Variants in TMIGD3 observed in about 807,000 individuals in gnomAD.
TMIGD3 encodes the protein transmembrane and immunoglobulin domain containing 3, also known as AD026 protein (AD026).
Under a neutral mutation model 28.1 loss-of-function variants are expected in TMIGD3, and 21 were observed. The ratio of observed to expected loss-of-function variants is 0.75; its 90% CI spans 0.53 to 1.08. TMIGD3 has a LOEUF of 1.08. Among genes scored for constraint, TMIGD3 ranks in the 50% least tolerant of loss-of-function variants. TMIGD3 has a pLI of 0.00. For missense variants in TMIGD3, 416 were observed against 435.6 expected (o/e 0.96, Z 0.40); for synonymous variants, 151 against 162.1 (o/e 0.93, Z 0.52).
At chr1:111,528,996 T>C (rs1386612923) in intron 1 of TMIGD3, among the ~76,000 whole-genome samples, 1 of 152,046 alleles carries the variant, frequency 6.6e-6, no homozygotes, top group Middle Eastern at 3.2e-3. Flanking sequence ...CTGTGTACCT[T>C]TTTTTCTTGT....
chr1:111,490,601 G>C, intron 2 of TMIGD3, 55 bp downstream of exon 2: 1 of 1,389,334 alleles, frequency 7.2e-7, no homozygotes, highest in Non-Finnish European at 1.0e-6. Context: ...TCAGTGCAAA[G>C]TCTCTGGAAA....
At chr1:111,514,831 A>C (rs1476763770) in intron 1 of TMIGD3, among the ~76,000 whole-genome samples, 1 of 152,164 alleles carries the variant, frequency 6.6e-6, no homozygotes, top group Non-Finnish European at 1.5e-5. Context: ...ATCTTTCATT[A>C]ACCTTGGAAT....
chr1:111,508,087 G>A (rs967012226), upstream of TMIGD3, among the ~76,000 whole-genome samples: 3 of 152,230 alleles, frequency 2.0e-5, no homozygotes, highest in Non-Finnish European at 4.4e-5. Flanking sequence ...GTGGGAGGGA[G>A]GGTGAGGCCT....
At position 111,498,923 on chromosome 1, in the gene TMIGD3, T is replaced by A. The variant is rs534940735; in HGVS notation, c.350+4082A>T. On this transcript the variant is annotated intron_variant, in intron 1 of 5. Transcript: ENST00000369716. ...GTAACATAAAGAGACCTTGTCTATA[T>A]AAAAAATAAAAATAAACAAATTAGC... 9.0e-4 allele frequency among the ~76,000 whole-genome samples: 132 copies of A among 147,408 alleles called. 1 individual carries two copies. Among genetic ancestry groups the A allele is most frequent in the South Asian group, 2.4e-3 (11 of 4,668 alleles).
chr1:111,507,605 G>A (rs926449364), upstream of TMIGD3, among the ~76,000 whole-genome samples: 1 of 152,208 alleles, frequency 6.6e-6, no homozygotes, highest in Non-Finnish European at 1.5e-5. Flanking sequence ...CAGGAGCCCA[G>A]GGAAAAGGCC....
chr1:111,484,735 T>A lies in TMIGD3; in HGVS notation c.974-978A>T, dbSNP rs140941618. ...TCACTAGCAAGGGTTACTAGGAGTG[T>A]TTTTCTGTCTTTTTCTGAAATATTG... On this transcript the variant is annotated intron_variant, in intron 5 of 5. Coordinates refer to ENST00000369716, the MANE Select transcript of TMIGD3 (RefSeq NM_020683.7). Among the ~76,000 whole-genome samples the A allele has an allele frequency of 5.5e-3, 831 of 152,328 alleles. 8 individuals are homozygous for A. Among genetic ancestry groups the A allele is most frequent in the African/African-American group, 0.019 (790 of 41,566 alleles).
At chr1:111,514,487 G>A (rs1655793099) in intron 1 of TMIGD3, among the ~76,000 whole-genome samples, 1 of 152,080 alleles carries the variant, frequency 6.6e-6, no homozygotes, top group African/African-American at 2.4e-5. Flanking sequence ...CTGGGAGGTT[G>A]AGGCTGCAGT....
intron 1 of TMIGD3, among the ~76,000 whole-genome samples, chr1:111,530,364 A>G (rs1656420058): frequency 6.6e-6 from 1 of 152,126 alleles, no homozygotes; most frequent in Non-Finnish European, 1.5e-5. Context: ...ATTTTTTTAA[A>G]TAATAAAAGA....
chr1:111,492,053 C>T (rs1404088834), intron 1 of TMIGD3, among the ~76,000 whole-genome samples: 1 of 152,196 alleles, frequency 6.6e-6, no homozygotes, highest in Non-Finnish European at 1.5e-5. Context: ...ACCCTAGTCT[C>T]TCATGCTGCT....
At chr1:111,556,048 AAAC>A (rs1182689621) in intron 1 of TMIGD3, among the ~76,000 whole-genome samples, 1 of 152,238 alleles carries the variant, frequency 6.6e-6, no homozygotes, top group Non-Finnish European at 1.5e-5. Context: ...AACGCACAAG[AAAC>A]TCCTGCAACT....
chr1:111,500,263 G>C (rs771733084), intron 1 of TMIGD3: 2 of 1,614,210 alleles, frequency 1.2e-6, no homozygotes, highest in Non-Finnish European at 1.7e-6. Context: ...TGTCTCTTTG[G>C]AGTTAGATAA....
At position 111,511,302 on chromosome 1, in the gene TMIGD3, C is replaced by T. The variant is rs189146313; in HGVS notation, c.108-20540G>A. Among the ~76,000 whole-genome samples, 734 of 152,266 alleles carry T rather than the reference C, an allele frequency of 4.8e-3. 5 individuals are homozygous for T. Among genetic ancestry groups the T allele is most frequent in the African/African-American group, 0.014 (589 of 41,548 alleles). ...CCTCCCACTTCCCTTCTCCCCAAAG[C>T]ATGAAGATCCTAAAATATACCTGCC... On this transcript the variant is annotated intron_variant, in intron 1 of 5. Coordinates refer to the TMIGD3 transcript ENST00000369717.
intron 1 of TMIGD3, among the ~76,000 whole-genome samples, chr1:111,520,396 C>T (rs1241116966): frequency 6.6e-6 from 1 of 152,134 alleles, no homozygotes; most frequent in Non-Finnish European, 1.5e-5. Context: ...TCAACAATCT[C>T]GCCAACAAGA....
intron 1 of TMIGD3, among the ~76,000 whole-genome samples, chr1:111,509,294 C>T (rs940583976): frequency 2.6e-5 from 4 of 152,186 alleles, no homozygotes; most frequent in African/African-American, 9.7e-5. Flanking sequence ...GCTCAGGTCC[C>T]ACTGGTCAAT....
At chr1:111,493,163 C>T (rs1364915310) in intron 1 of TMIGD3, among the ~76,000 whole-genome samples, 2 of 152,052 alleles carry the variant, frequency 1.3e-5, no homozygotes, top group Admixed American at 6.6e-5. Context: ...AATAAGGGGT[C>T]GTTCTTCTAG....
chr1:111,504,235 G>T, upstream of TMIGD3: 1 of 642,286 alleles, frequency 1.6e-6, no homozygotes, highest in Non-Finnish European at 1.9e-6. Context: ...TCACACCCTA[G>T]CAAAATCACA....
chr1:111,521,303 G>C (rs987113819), intron 1 of TMIGD3, among the ~76,000 whole-genome samples: 11 of 152,160 alleles, frequency 7.2e-5, no homozygotes, highest in African/African-American at 4.8e-5. Flanking sequence ...CTCGTTATGG[G>C]ATGACTGGAT....
chr1:111,558,681 C>T (rs950052930), intron 1 of TMIGD3, among the ~76,000 whole-genome samples: 56 of 152,222 alleles, frequency 3.7e-4, no homozygotes, highest in African/African-American at 1.3e-3. Context: ...ACATAACCAT[C>T]AATGTTTTTA....
At chr1:111,545,043 G>T (rs1238561439) in intron 1 of TMIGD3, among the ~76,000 whole-genome samples, 7 of 128,992 alleles carry the variant, frequency 5.4e-5, no homozygotes, top group African/African-American at 2.0e-4. Flanking sequence ...TATCCAATTT[G>T]GTACATACCC....
Sources: gnomAD v4.1 joint callset for allele counts (sites outside exome capture counted in the v4.1 genomes callset) on GRCh38, gnomAD v4.1.1 for gene constraint, MANE v1.5 for transcripts, NCBI Gene and HGNC (gene_info 2026-07-23, HGNC 2026-07-21) for gene names.